Variants in DPP10 observed in about 807,000 individuals in gnomAD.
DPP10 encodes the protein inactive dipeptidyl peptidase 10.
DPP10 carries 33 observed loss-of-function variants against 120.9 expected under a neutral mutation model. The observed-to-expected ratio is 0.27, with a 90% confidence interval of 0.21 to 0.37. DPP10 has a LOEUF of 0.37. Ranked by LOEUF, DPP10 falls within the 10% of genes least tolerant of loss-of-function variation. The pLI, the probability that DPP10 is intolerant of heterozygous loss-of-function variation, is 1.00. For synonymous variants in DPP10, 337 were observed against 326.1 expected, an observed-to-expected ratio of 1.03 and a Z score of -0.36; for missense variants, 816 against 942.8, an observed-to-expected ratio of 0.87 and a Z score of 1.76.
At position 115,590,548 on chromosome 2, in the gene DPP10, T is replaced by G. The variant is rs1446455199; in HGVS notation, c.441+64576T>G. The stretch of plus-strand genomic sequence containing the variant: ...TTCCATGGTGTATATGTGCCACATT[T>G]TCTTAATCCAGTCTATCATTGATGG... On this transcript the variant is annotated intron_variant, in intron 5 of 25. Coordinates refer to ENST00000410059, the MANE Select transcript of DPP10 (RefSeq NM_020868.6). Among the ~76,000 whole-genome samples, 9 of 152,232 alleles carry G rather than the reference T, an allele frequency of 5.9e-5. No individual in the cohort carries two copies. In the South Asian group the frequency reaches 6.2e-4, roughly 10 times the overall value.
At chr2:115,162,306 G>T in intron 1 of DPP10, 1 of 1,502,148 alleles carries the variant, frequency 6.7e-7, no homozygotes, top group Non-Finnish European at 8.9e-7. Context: ...GAACCCCGGC[G>T]GGCGGCCCAC....
At chr2:115,430,882 T>C (rs2104771293) in intron 3 of DPP10, among the ~76,000 whole-genome samples, 1 of 152,316 alleles carries the variant, frequency 6.6e-6, no homozygotes, top group Admixed American at 6.5e-5. Flanking sequence ...TGGGAACACT[T>C]CTTTTTTTCT....
At chr2:115,828,663 A>G (rs1397329404) in intron 21 of DPP10, among the ~76,000 whole-genome samples, 2 of 152,044 alleles carry the variant, frequency 1.3e-5, no homozygotes, top group East Asian at 1.9e-4. Flanking sequence ...TTTATTTTTC[A>G]TCATTCAGGG....
chr2:115,162,484 C>A (rs1356416175), intron 1 of DPP10, among the ~76,000 whole-genome samples: 3 of 152,210 alleles, frequency 2.0e-5, no homozygotes, highest in African/African-American at 7.2e-5. Flanking sequence ...GGCGAATGAC[C>A]TTTAGGCGGA....
intron 1 of DPP10, among the ~76,000 whole-genome samples, chr2:114,487,544 A>G (rs1332339447): frequency 6.6e-6 from 1 of 152,234 alleles, no homozygotes; most frequent in Non-Finnish European, 1.5e-5. Flanking sequence ...TTATTAGACT[A>G]TTAAGTTTCA....
chr2:115,513,891 T>C (rs891130249), intron 4 of DPP10, among the ~76,000 whole-genome samples: 5 of 152,042 alleles, frequency 3.3e-5, no homozygotes, highest in Admixed American at 3.3e-4. Context: ...TGACTATTTA[T>C]TGTCATTTCA....
chr2:114,806,909 C>G (rs1028934730), intron 1 of DPP10, among the ~76,000 whole-genome samples: 1 of 152,126 alleles, frequency 6.6e-6, no homozygotes, highest in Non-Finnish European at 1.5e-5. Context: ...TATTTTAAAA[C>G]CAATCTCCTC....
chr2:115,580,580 A>G (rs934026622), intron 5 of DPP10, among the ~76,000 whole-genome samples: 7 of 152,100 alleles, frequency 4.6e-5, no homozygotes, highest in African/African-American at 1.4e-4. Context: ...CTGTGGATCT[A>G]TGAACATTCC....
chr2:114,677,017 A>G (rs945920294), intron 1 of DPP10, among the ~76,000 whole-genome samples: 2 of 152,140 alleles, frequency 1.3e-5, no homozygotes, highest in Admixed American at 1.3e-4. Context: ...GCATCATTTG[A>G]ATTGACAGAA....
chr2:115,341,585 A>G (rs555225303), intron 2 of DPP10, among the ~76,000 whole-genome samples: 1 of 152,252 alleles, frequency 6.6e-6, no homozygotes, highest in East Asian at 1.9e-4. Context: ...CCACCCTACA[A>G]ATTCTCTATG....
At chr2:114,899,279 AG>A (rs1471701340) in intron 1 of DPP10, among the ~76,000 whole-genome samples, 1 of 152,024 alleles carries the variant, frequency 6.6e-6, no homozygotes, top group African/African-American at 2.4e-5. Flanking sequence ...TTCAGCTTTG[AG>A]GTTTTTTTTA....
intron 1 of DPP10, among the ~76,000 whole-genome samples, chr2:115,294,713 C>A (rs528368288): frequency 2.0e-5 from 3 of 152,226 alleles, no homozygotes; most frequent in Admixed American, 1.3e-4. Flanking sequence ...GCAAAGCCTA[C>A]AGTTAGTTTG....
chr2:114,901,840 A>C (rs913062977), intron 1 of DPP10, among the ~76,000 whole-genome samples: 1 of 152,212 alleles, frequency 6.6e-6, no homozygotes, highest in African/African-American at 2.4e-5. Context: ...ACATGGCTTT[A>C]CCAGTACTGT....
chr2:114,498,791 T>C (rs1248315620), intron 1 of DPP10, among the ~76,000 whole-genome samples: 4 of 152,114 alleles, frequency 2.6e-5, no homozygotes, highest in Admixed American at 6.5e-5. Context: ...ATTGTTAAGA[T>C]TACAGTTAAA....
At chr2:114,811,705 C>T (rs1274212281) in intron 1 of DPP10, among the ~76,000 whole-genome samples, 1 of 152,134 alleles carries the variant, frequency 6.6e-6, no homozygotes, top group Non-Finnish European at 1.5e-5. Context: ...ACCCACCAAC[C>T]CCAGCTTTCC....
intron 4 of DPP10, among the ~76,000 whole-genome samples, chr2:115,522,103 G>T (rs1444145882): frequency 1.3e-5 from 2 of 151,916 alleles, no homozygotes; most frequent in Non-Finnish European, 2.9e-5. Context: ...GTTAAATTTT[G>T]CTTTCTAACT....
At chr2:115,596,856 G>A (rs925166636) in intron 5 of DPP10, among the ~76,000 whole-genome samples, 1 of 152,132 alleles carries the variant, frequency 6.6e-6, no homozygotes, top group Non-Finnish European at 1.5e-5. Flanking sequence ...TTCAAATGGA[G>A]ATTTCCTTAA....
intron 1 of DPP10, among the ~76,000 whole-genome samples, chr2:114,514,623 A>T (rs1323845744): frequency 6.6e-6 from 1 of 152,120 alleles, no homozygotes; most frequent in Non-Finnish European, 1.5e-5. Context: ...TTTGCCTCAA[A>T]CTTTGCCACC....
intron 1 of DPP10, among the ~76,000 whole-genome samples, chr2:114,839,521 A>T (rs1687991483): frequency 6.6e-6 from 1 of 152,202 alleles, no homozygotes; most frequent in East Asian, 1.9e-4. Flanking sequence ...ACCATGAAGA[A>T]AATAAACTCT....
Sources: allele counts gnomAD v4.1 joint callset (sites outside exome capture counted in the v4.1 genomes callset), GRCh38; gene constraint gnomAD v4.1.1; transcripts MANE v1.5; gene names NCBI Gene and HGNC (gene_info 2026-07-23, HGNC 2026-07-21).